ZSCAN25: variants seen among roughly 807,000 people sequenced by gnomAD.
ZSCAN25 encodes the protein zinc finger and SCAN domain-containing protein 25.
In ZSCAN25, 27 loss-of-function variants were observed where a neutral mutation model predicts 38.7. The observed-to-expected ratio is 0.70, with a 90% confidence interval of 0.51 to 0.96. The LOEUF (loss-of-function observed/expected upper bound fraction) is 0.96, where lower values mean the gene tolerates loss of function less well. Among genes scored for constraint, ZSCAN25 ranks in the 40% least tolerant of loss-of-function variants. The pLI is 0.00. For synonymous variants in ZSCAN25, 273 were observed against 277.7 expected (o/e 0.98, Z 0.17); for missense variants, 637 against 705.9 (o/e 0.90, Z 1.11).
the ZSCAN25 span, among the ~76,000 whole-genome samples, chr7:99,642,357 C>T: frequency 1.3e-5 from 2 of 152,082 alleles, no homozygotes; most frequent in South Asian, 2.1e-4. Flanking sequence ...CTGGGAGGAA[C>T]CTCCACCACA....
At chr7:99,697,282 C>T in the ZSCAN25 span, among the ~76,000 whole-genome samples, 3 of 152,080 alleles carry the variant, frequency 2.0e-5, no homozygotes, top group African/African-American at 4.8e-5. Context: ...TGTATGGACT[C>T]CCCCAACTGA....
chr7:99,734,954 G>A, the ZSCAN25 span: 7 of 1,608,416 alleles, frequency 4.4e-6, no homozygotes, highest in Non-Finnish European at 4.3e-6. Context: ...AACAGATAAG[G>A]GAAAGAGAGG....
chr7:99,708,698 G>T, the ZSCAN25 span, among the ~76,000 whole-genome samples: 113,864 of 152,076 alleles, frequency 0.75, 46,179 homozygotes, highest in Non-Finnish European at 0.91. Flanking sequence ...GAAGATTTGA[G>T]TATATTCAGG....
At chr7:99,624,020 T>G in intron 6 of ZSCAN25, 37 bp from the exon 7 acceptor site, 3 of 1,613,692 alleles carry the variant, frequency 1.9e-6, no homozygotes, top group Non-Finnish European at 2.5e-6. Flanking sequence ...TGGCCTAGGA[T>G]TCTTTCTTTA....
chr7:99,648,845 A>G, the ZSCAN25 span, among the ~76,000 whole-genome samples: 1 of 152,188 alleles, frequency 6.6e-6, no homozygotes. Flanking sequence ...GGCAGTTTTC[A>G]ACTTCCAGAG....
At chr7:99,702,624 A>G in the ZSCAN25 span, among the ~76,000 whole-genome samples, 1 of 152,144 alleles carries the variant, frequency 6.6e-6, no homozygotes, top group Non-Finnish European at 1.5e-5. Context: ...TTTTATACAA[A>G]CACCATACTG....
chr7:99,660,243 T>TAATTATAAA, the ZSCAN25 span: 1 of 958,430 alleles, frequency 1.0e-6, no homozygotes, highest in Non-Finnish European at 1.2e-6. Flanking sequence ...TTTTTTTTTT[T>TAATTATAAA]TTACTTAGCA....
Position 99,629,518 on chromosome 7 carries a change from T to C in ZSCAN25, c.1133T>C (p.Val378Ala). The C allele has an allele frequency of 1.2e-6, 2 of 1,614,118 alleles. No individual in the cohort carries two copies. Among genetic ancestry groups the C allele is most frequent in the African/African-American group, 2.7e-5 (2 of 75,038 alleles). The change falls in exon 8 of 8, where the codon GTG becomes GCG. Residue 378 changes from valine (V) to alanine (A), a missense_variant. By Grantham distance (64) the Val-to-Ala change is moderately conservative. Transcript: ENST00000394152. This position sits in a 1 kb window ranked among gnomAD's most constrained non-coding sequence, Gnocchi z 5.6. ...RTHEEKSYGC[V>A]ECGKGFTLRE... ...CACGAAGAGAAGTCTTATGGCTGTG[T>C]GGAGTGTGGGAAGGGCTTTACCCTG...
chr7:99,705,032 A>G, the ZSCAN25 span: 1 of 161,804 alleles, frequency 6.2e-6, no homozygotes, highest in African/African-American at 2.4e-5. Flanking sequence ...GGAAACATCC[A>G]ATAATACTTT....
the ZSCAN25 span, among the ~76,000 whole-genome samples, chr7:99,734,529 A>G: frequency 6.6e-6 from 1 of 152,184 alleles, no homozygotes; most frequent in Non-Finnish European, 1.5e-5. Flanking sequence ...TTATTCCTTT[A>G]TAGATCTGCA....
At chr7:99,656,508 T>C in the ZSCAN25 span, among the ~76,000 whole-genome samples, 1 of 152,222 alleles carries the variant, frequency 6.6e-6, no homozygotes, top group Admixed American at 6.5e-5. Flanking sequence ...GATTTTTGTA[T>C]CACTGTTCAT....
chr7:99,681,883 A>G, the ZSCAN25 span, among the ~76,000 whole-genome samples: 1 of 152,228 alleles, frequency 6.6e-6, no homozygotes, highest in Non-Finnish European at 1.5e-5. Flanking sequence ...AGTTTTGCCC[A>G]GACCAATATC....
chr7:99,731,329 T>C, the ZSCAN25 span, among the ~76,000 whole-genome samples: 3 of 152,192 alleles, frequency 2.0e-5, no homozygotes, highest in Non-Finnish European at 4.4e-5. Flanking sequence ...CCTTTCATGC[T>C]TCCACCATGA....
chr7:99,668,933 AACCT>A, the ZSCAN25 span, among the ~76,000 whole-genome samples: 8 of 152,204 alleles, frequency 5.3e-5, no homozygotes, highest in African/African-American at 1.9e-4. Flanking sequence ...ATAATATTTC[AACCT>A]ACCTTTGTAG....
At chr7:99,664,176 G>T in the ZSCAN25 span, 2 of 1,145,314 alleles carry the variant, frequency 1.7e-6, no homozygotes, top group Non-Finnish European at 2.5e-6. Flanking sequence ...TTCTCTACCA[G>T]TAATAAGAAT....
In ZSCAN25 at chr7:99,630,883, A is replaced by G; in HGVS notation, c.*863A>G. 1 of 982,690 alleles carries G rather than the reference A, an allele frequency of 1.0e-6. No individual in the cohort carries two copies. The highest frequency in any genetic ancestry group is 1.2e-6 in the Non-Finnish European group (1 of 827,410). The allele number at this position is 982,690 out of a possible 1,614,324, so 60.9% of individuals were successfully genotyped here. ...CAGTTCTCTAGAAAGAACTGTTATA[A>G]TTAAAATGAGTCTGAAAGATGAACT... On this transcript the variant is annotated 3_prime_UTR_variant, in exon 8 of 8. Coordinates refer to ENST00000394152, the MANE Select transcript of ZSCAN25 (RefSeq NM_145115.3).
At chr7:99,641,929 A>G in the ZSCAN25 span, among the ~76,000 whole-genome samples, 1 of 152,190 alleles carries the variant, frequency 6.6e-6, no homozygotes, top group Non-Finnish European at 1.5e-5. Flanking sequence ...TTTTAAAAAT[A>G]TAGCTAAGAT....
At chr7:99,624,267 C>A in intron 7 of ZSCAN25, 87 bp downstream of exon 7, 1 of 1,574,792 alleles carries the variant, frequency 6.4e-7, no homozygotes, top group Non-Finnish European at 8.7e-7. Flanking sequence ...GCGCTCCTGG[C>A]AAAGGAAGGG....
the ZSCAN25 span, chr7:99,730,953 G>A: frequency 7.0e-7 from 1 of 1,426,086 alleles, no homozygotes; most frequent in South Asian, 1.2e-5. Flanking sequence ...ATTTCTGAAA[G>A]TATAAAATCT....
Sources: allele counts gnomAD v4.1 joint callset (sites outside exome capture counted in the v4.1 genomes callset), GRCh38; gene constraint gnomAD v4.1.1; non-coding constraint Gnocchi (gnomAD v3.1); transcripts MANE v1.5; gene names NCBI Gene and HGNC (gene_info 2026-07-23, HGNC 2026-07-21).